ARHGAP44: variants seen among roughly 807,000 people sequenced by gnomAD.
ARHGAP44 encodes the protein Rho GTPase activating protein 44, also known as rho GTPase-activating protein 44.
Under a neutral mutation model 106.8 loss-of-function variants are expected in ARHGAP44, and 43 were observed. The ratio of observed to expected loss-of-function variants is 0.40; its 90% CI spans 0.32 to 0.52. The LOEUF is 0.52. Among genes scored for constraint, ARHGAP44 ranks in the 20% least tolerant of loss-of-function variants. ARHGAP44 has a pLI of 0.48. For synonymous variants in ARHGAP44, 439 were observed against 410.3 expected (o/e 1.07, Z -0.85); for missense variants, 866 against 1,050.5 (o/e 0.82, Z 2.43).
At chr17:12,870,299 CTCAGTA>C (rs1243736931) in intron 1 of ARHGAP44, among the ~76,000 whole-genome samples, 1 of 152,126 alleles carries the variant, frequency 6.6e-6, no homozygotes, top group Non-Finnish European at 1.5e-5. Context: ...GTTCTCCCGC[CTCAGTA>C]CTGTGGGATT....
At chr17:12,903,083 TGA>T (rs67363604) in intron 3 of ARHGAP44, among the ~76,000 whole-genome samples, 914 of 70,112 alleles carry the variant, frequency 0.013, 10 homozygotes, top group African/African-American at 0.014. Flanking sequence ...AGGGAATATA[TGA>T]GAGAGAGAGA....
At position 12,864,146 on chromosome 17, in the gene ARHGAP44, C is replaced by T. The variant is rs149635850; in HGVS notation, c.54-30794C>T. On this transcript the variant is annotated intron_variant, in intron 1 of 20. Coordinates refer to ENST00000379672, the MANE Select transcript of ARHGAP44 (RefSeq NM_014859.6). Reference sequence around the variant, plus strand: ...GGGGTTAGAAATAAACTTCACCTCTCGGTGGAGTGGTAGCAAGACTCTGGT... The same window carrying T: ...GGGGTTAGAAATAAACTTCACCTCTTGGTGGAGTGGTAGCAAGACTCTGGT... Among the ~76,000 whole-genome samples, 190 of 152,196 alleles carry T rather than the reference C, an allele frequency of 1.2e-3. 1 individual carries two copies. The highest frequency in any genetic ancestry group is 2.4e-3 in the Non-Finnish European group (162 of 68,016).
chr17:12,902,716 C>T (rs1347733884), intron 3 of ARHGAP44, among the ~76,000 whole-genome samples: 1 of 152,160 alleles, frequency 6.6e-6, no homozygotes, highest in African/African-American at 2.4e-5. Flanking sequence ...GGGTGAAGCC[C>T]AGTTCTGTCA....
At chr17:12,805,850 G>A (rs2034259342) in intron 1 of ARHGAP44, among the ~76,000 whole-genome samples, 1 of 152,178 alleles carries the variant, frequency 6.6e-6, no homozygotes, top group Non-Finnish European at 1.5e-5. Context: ...TCTCCACAAA[G>A]GCTTCAGCTG....
intron 16 of ARHGAP44, among the ~76,000 whole-genome samples, chr17:12,971,198 C>T (rs921718749): frequency 7.9e-5 from 12 of 152,108 alleles, no homozygotes; most frequent in African/African-American, 2.4e-4. Context: ...TAGCAAGTCT[C>T]GCCCAGTACC....
chr17:12,970,403 GAGAAA>G (rs1181461802), intron 16 of ARHGAP44, among the ~76,000 whole-genome samples: 3 of 146,896 alleles, frequency 2.0e-5, no homozygotes, highest in Non-Finnish European at 4.5e-5. Flanking sequence ...AAGAAGAGAA[GAGAAA>G]AGAAAAAAGA....
At chr17:12,860,017 CAGA>C (rs2036022832) in intron 1 of ARHGAP44, among the ~76,000 whole-genome samples, 1 of 152,092 alleles carries the variant, frequency 6.6e-6, no homozygotes, top group Non-Finnish European at 1.5e-5. Flanking sequence ...GAGATTAGGG[CAGA>C]AGAACTGCCT....
At chr17:12,884,733 C>T (rs12952134) in intron 1 of ARHGAP44, among the ~76,000 whole-genome samples, 5,754 of 152,196 alleles carry the variant, frequency 0.038, 180 homozygotes, top group Non-Finnish European at 0.058. Flanking sequence ...CGCTGCTTTC[C>T]GTCCCTATGA....
intron 20 of ARHGAP44, among the ~76,000 whole-genome samples, chr17:12,989,122 A>AC (rs1567728697): frequency 2.7e-5 from 4 of 148,144 alleles, no homozygotes; most frequent in African/African-American, 9.9e-5. Context: ...AAAAAAAAAA[A>AC]AAACTAAGCA....
At chr17:12,903,256 G>A (rs3785723) in intron 3 of ARHGAP44, among the ~76,000 whole-genome samples, 85,068 of 151,112 alleles carry the variant, frequency 0.56, 24,251 homozygotes, top group East Asian at 0.64. Flanking sequence ...TGTTGCTTGT[G>A]CCCAAGATAG....
chr17:12,929,133 C>A, intron 7 of ARHGAP44, 87 bp downstream of exon 7: 3 of 1,244,496 alleles, frequency 2.4e-6, no homozygotes, highest in Non-Finnish European at 3.4e-6. Context: ...TCTCTTAAAA[C>A]TCTGTCAGTG....
chr17:12,925,288 G>T (rs940127731), intron 6 of ARHGAP44, among the ~76,000 whole-genome samples: 1 of 152,152 alleles, frequency 6.6e-6, no homozygotes. Flanking sequence ...GATGGCACAG[G>T]CTTGACTTGG....
chr17:12,894,254 G>A (rs1396894367), intron 1 of ARHGAP44, among the ~76,000 whole-genome samples: 1 of 151,736 alleles, frequency 6.6e-6, no homozygotes. Flanking sequence ...GTGTGTGTGT[G>A]TGTGTGCACG....
intron 1 of ARHGAP44, among the ~76,000 whole-genome samples, chr17:12,880,774 G>T (rs898534549): frequency 1.3e-5 from 2 of 151,950 alleles, no homozygotes; most frequent in Non-Finnish European, 2.9e-5. Context: ...TCTGTTAAAA[G>T]GTGTTTCATG....
At chr17:12,977,350 TC>T (rs2039709909) in intron 18 of ARHGAP44, among the ~76,000 whole-genome samples, 1 of 152,120 alleles carries the variant, frequency 6.6e-6, no homozygotes, top group Non-Finnish European at 1.5e-5. Flanking sequence ...TGATGTTCCC[TC>T]GAGTGGCCGG....
intron 1 of ARHGAP44, among the ~76,000 whole-genome samples, chr17:12,814,334 G>A (rs1364702845): frequency 2.7e-5 from 4 of 145,868 alleles, no homozygotes; most frequent in Admixed American, 2.1e-4. Context: ...TCCGCCTCCT[G>A]AGTTCAAGCA....
intron 1 of ARHGAP44, among the ~76,000 whole-genome samples, chr17:12,809,583 C>G (rs2034378241): frequency 6.6e-6 from 1 of 152,162 alleles, no homozygotes; most frequent in Admixed American, 6.5e-5. Context: ...CAATTACCTC[C>G]CATCAGGTTT....
At position 12,894,932 on chromosome 17, in the gene ARHGAP44, CT is replaced by C; in HGVS notation, c.54-3del. On this transcript the variant is annotated splice_polypyrimidine_tract_variant and splice_region_variant and intron_variant, in intron 1 of 20. Coordinates refer to ENST00000379672, the MANE Select transcript of ARHGAP44 (RefSeq NM_014859.6). Reference sequence around the variant, plus strand: ...TGTTACTGATATGTTTCTCAATGTTCTTTTTAGGGCTGAAAAGACAGAAGTT... The same window carrying C: ...TGTTACTGATATGTTTCTCAATGTTCTTTTAGGGCTGAAAAGACAGAAGTT... 2 of 1,581,740 alleles carry C rather than the reference CT, an allele frequency of 1.3e-6. No homozygotes were observed. The highest frequency in any genetic ancestry group is 2.3e-5 in the East Asian group (1 of 43,804).
intron 1 of ARHGAP44, among the ~76,000 whole-genome samples, chr17:12,869,850 C>T (rs771202858): frequency 6.4e-4 from 97 of 151,694 alleles, no homozygotes; most frequent in Middle Eastern, 3.4e-3. Flanking sequence ...CTTAATATAT[C>T]TTCAATAGCT....
Sources: allele counts gnomAD v4.1 joint callset (sites outside exome capture counted in the v4.1 genomes callset), GRCh38; gene constraint gnomAD v4.1.1; transcripts MANE v1.5; gene names NCBI Gene and HGNC (gene_info 2026-07-23, HGNC 2026-07-21).